Variants in NOS1 observed in about 807,000 individuals in gnomAD.
NOS1 encodes the protein NOS type I.
A neutral mutation model predicts 164.5 loss-of-function variants in NOS1; 51 were observed. The observed-to-expected ratio is 0.31, with a 90% CI of 0.25 to 0.39. The LOEUF (loss-of-function observed/expected upper bound fraction) is 0.39, where lower values mean the gene tolerates loss of function less well. Ranked by LOEUF, NOS1 falls within the 10% of genes least tolerant of loss-of-function variation. The pLI, the probability that NOS1 is intolerant of heterozygous loss-of-function variation, is 1.00. For synonymous variants in NOS1, 719 were observed against 745.8 expected (o/e 0.96, Z 0.59); for missense variants, 1,362 against 1,885.6 (o/e 0.72, Z 5.14).
intron 27 of NOS1, 78 bp from the exon 28 acceptor site, chr12:117,218,242 C>A: frequency 9.9e-7 from 1 of 1,008,468 alleles, no homozygotes; most frequent in Non-Finnish European, 1.6e-6. Context: ...TTGCCTGACA[C>A]CTGGAATGGA....
At chr12:117,305,362 G>C (rs1386319434) in intron 3 of NOS1, among the ~76,000 whole-genome samples, 3 of 152,052 alleles carry the variant, frequency 2.0e-5, no homozygotes. Flanking sequence ...TACTCGGGAG[G>C]CTGAGGCAGA....
At chr12:117,252,553 T>C (rs1162296384) in intron 17 of NOS1, among the ~76,000 whole-genome samples, 1 of 152,236 alleles carries the variant, frequency 6.6e-6, no homozygotes, top group African/African-American at 2.4e-5. Context: ...AAGTAAACTA[T>C]GGACTGTGGC....
chr12:117,297,539 G>A (rs1026798591), intron 3 of NOS1, among the ~76,000 whole-genome samples: 1 of 152,128 alleles, frequency 6.6e-6, no homozygotes, highest in Non-Finnish European at 1.5e-5. Flanking sequence ...TTACAGGCAT[G>A]TGCCACCATG....
intron 3 of NOS1, among the ~76,000 whole-genome samples, chr12:117,299,389 A>T (rs1396518880): frequency 2.6e-5 from 4 of 152,164 alleles, no homozygotes; most frequent in Admixed American, 6.5e-5. Flanking sequence ...CTGTAATCCC[A>T]GCACTTTGGG....
intron 3 of NOS1, among the ~76,000 whole-genome samples, chr12:117,305,268 C>T (rs986372031): frequency 1.3e-5 from 2 of 152,118 alleles, no homozygotes; most frequent in Non-Finnish European, 2.9e-5. Context: ...CGAGACCATC[C>T]TTGCTAACAC....
Position 117,222,865 on chromosome 12 carries a change from TG to T in NOS1, c.3827-3del, listed in dbSNP as rs770008091. ...GGACCATGGGGCAGGGGTTCATTCC[TG>T]GGGACCAGGAAGACCTTATGTCACC... On this transcript the variant is annotated splice_polypyrimidine_tract_variant and splice_region_variant and intron_variant, in intron 25 of 28. Coordinates refer to ENST00000317775, the MANE Select transcript of NOS1 (RefSeq NM_000620.5). 96 of 1,612,748 alleles carry T rather than the reference TG, an allele frequency of 6.0e-5. No individual in the cohort carries two copies. The highest frequency in any genetic ancestry group is 8.0e-5 in the Non-Finnish European group (94 of 1,179,446).
At chr12:117,352,130 G>A (rs1230370668) in intron 1 of NOS1, among the ~76,000 whole-genome samples, 3 of 152,230 alleles carry the variant, frequency 2.0e-5, no homozygotes, top group East Asian at 3.9e-4. Context: ...CCATCATCAC[G>A]CCACTGCACT....
chr12:117,231,913 GA>G, intron 22 of NOS1, 48 bp downstream of exon 22: 1 of 1,551,044 alleles, frequency 6.4e-7, no homozygotes, highest in Non-Finnish European at 8.8e-7. Flanking sequence ...CTTTAATGAC[GA>G]GGAGGTGAAA....
At chr12:117,341,453 G>T (rs1458001530) in intron 1 of NOS1, among the ~76,000 whole-genome samples, 1 of 152,140 alleles carries the variant, frequency 6.6e-6, no homozygotes, top group Non-Finnish European at 1.5e-5. Context: ...GAATAGATCT[G>T]GGGAATCACA....
chr12:117,253,591 G>A (rs769897553), intron 17 of NOS1, 47 bp downstream of exon 17: 4 of 1,314,388 alleles, frequency 3.0e-6, no homozygotes, highest in South Asian at 2.4e-5. Context: ...AGCTCCCCAG[G>A]AGCCTTAGTC....
intron 16 of NOS1, among the ~76,000 whole-genome samples, chr12:117,258,165 C>T (rs1208185793): frequency 6.6e-6 from 1 of 152,148 alleles, no homozygotes. Flanking sequence ...AAGGTAGGTG[C>T]TATAATCTCT....
chr12:117,236,591 T>C lies in NOS1; in HGVS notation c.3042-1833A>G, dbSNP rs183414174. 9.6e-4 allele frequency among the ~76,000 whole-genome samples: 146 copies of C among 152,264 alleles called. 1 individual carries two copies. Among genetic ancestry groups the C allele is most frequent in the African/African-American group, 3.3e-3 (139 of 41,532 alleles). On this transcript the variant is annotated intron_variant, in intron 20 of 28. Coordinates refer to ENST00000317775, the MANE Select transcript of NOS1 (RefSeq NM_000620.5). ...CCTTCTCAGAGCTCACACCAGTCTT[T>C]GGTTCCTGGGGAGCAAAAAGACAAC...
Position 117,288,227 on chromosome 12 carries a change from A to G in NOS1, c.982-8T>C. 1 of 1,609,824 alleles carries G rather than the reference A, an allele frequency of 6.2e-7. No individual in the cohort carries two copies. Among genetic ancestry groups the G allele is most frequent in the Non-Finnish European group, 8.5e-7 (1 of 1,178,444 alleles). On this transcript the variant is annotated splice_region_variant and splice_polypyrimidine_tract_variant and intron_variant, in intron 4 of 28. Transcript: ENST00000317775. ...CTCAGTGCATCCCGTTTCCTGGAAG[A>G]TCAAGAGATTTGGGGTATTGCTTGG...
chr12:117,208,411 T>C lies in NOS1; in HGVS notation c.*6898A>G, dbSNP rs1247885888. The C allele has an allele frequency of 7.8e-7, 1 of 1,286,702 alleles. No individual in the cohort carries two copies. Among genetic ancestry groups the C allele is most frequent in the Non-Finnish European group, 1.0e-6 (1 of 988,350 alleles). The allele number at this position is 1,286,702 out of a possible 1,614,324, so 79.7% of individuals were successfully genotyped here. ...GACAGCGTGTGTGTGTGTGTGTGTG[T>C]GTGTGTGTGTGGTGAGATGCGACCA... On this transcript the variant is annotated 3_prime_UTR_variant, in exon 29 of 29. Coordinates refer to ENST00000317775, the MANE Select transcript of NOS1 (RefSeq NM_000620.5).
rs146726611 is a variant in NOS1 at position 117,261,722 on chromosome 12, G to A, written c.2223-1113C>T. 2.2e-3 allele frequency among the ~76,000 whole-genome samples: 334 copies of A among 152,314 alleles called. 2 individuals are homozygous for A. Among genetic ancestry groups the A allele is most frequent in the African/African-American group, 7.7e-3 (322 of 41,572 alleles). On this transcript the variant is annotated intron_variant, in intron 13 of 28. Coordinates refer to ENST00000317775, the MANE Select transcript of NOS1 (RefSeq NM_000620.5). ...GATCCTGGCACTTTGGGAGGCTGAG[G>A]CGGGAGGATCACTTGAGGCCAAGGG...
At chr12:117,338,353 A>G (rs1377047962) in intron 1 of NOS1, among the ~76,000 whole-genome samples, 1 of 151,586 alleles carries the variant, frequency 6.6e-6, no homozygotes, top group Non-Finnish European at 1.5e-5. Context: ...GTGAGCCAAG[A>G]TAGCACCACT....
chr12:117,232,583 TC>T (rs1180253516), intron 21 of NOS1, among the ~76,000 whole-genome samples: 2 of 152,148 alleles, frequency 1.3e-5, no homozygotes, highest in Admixed American at 6.6e-5. Flanking sequence ...GCTCATTTAA[TC>T]ATCACAACAA....
At chr12:117,227,385 T>G (rs763539471) in intron 23 of NOS1, 46 bp downstream of exon 23, 2 of 1,589,896 alleles carry the variant, frequency 1.3e-6, no homozygotes, top group South Asian at 2.2e-5. Context: ...AGAGGCCCCT[T>G]GGGGGAAAAT....
At chr12:117,273,531 C>T (rs200091909) in intron 9 of NOS1, among the ~76,000 whole-genome samples, 1 of 151,994 alleles carries the variant, frequency 6.6e-6, no homozygotes, top group African/African-American at 2.4e-5. Context: ...TACTTTTGCA[C>T]CAACTGAATA....
Sources: allele counts gnomAD v4.1 joint callset (sites outside exome capture counted in the v4.1 genomes callset), GRCh38; gene constraint gnomAD v4.1.1; transcripts MANE v1.5; gene names NCBI Gene and HGNC (gene_info 2026-07-23, HGNC 2026-07-21).